LRRIQ1: variants seen among roughly 807,000 people sequenced by gnomAD.
The protein encoded by LRRIQ1 is leucine rich repeats and IQ motif containing 1.
LRRIQ1 carries 210 observed loss-of-function variants against 211.9 expected under a neutral mutation model. That is an observed-to-expected ratio of 0.99 (90% CI 0.89 to 1.11). The LOEUF (loss-of-function observed/expected upper bound fraction) is 1.11. LRRIQ1 is among the 50% of genes most tolerant of loss of function. LRRIQ1 has a pLI of 0.00. For synonymous variants in LRRIQ1, 699 were observed against 650.1 expected (o/e 1.08, Z -1.14); for missense variants, 2,136 against 1,939.5 (o/e 1.10, Z -1.90).
intron 19 of LRRIQ1, among the ~76,000 whole-genome samples, chr12:85,151,038 A>C (rs1890208502): frequency 6.6e-6 from 1 of 151,460 alleles, no homozygotes; most frequent in African/African-American, 2.4e-5. Context: ...TATAGTCACC[A>C]TGTTGTGCAA....
chr12:85,117,439 C>T (rs1001502865), intron 15 of LRRIQ1, among the ~76,000 whole-genome samples: 6 of 152,118 alleles, frequency 3.9e-5, no homozygotes, highest in African/African-American at 1.4e-4. Context: ...TCATATAACT[C>T]CAAAAAGATA....
intron 10 of LRRIQ1, among the ~76,000 whole-genome samples, chr12:85,069,290 A>G (rs988755335): frequency 3.2e-4 from 49 of 152,136 alleles, no homozygotes; most frequent in Non-Finnish European, 6.3e-4. Context: ...TTATGGCTGC[A>G]TAGTATTCCA....
intron 1 of LRRIQ1, among the ~76,000 whole-genome samples, chr12:85,251,766 G>A (rs1244946896): frequency 2.2e-5 from 3 of 135,560 alleles, no homozygotes; most frequent in Non-Finnish European, 3.0e-5. Context: ...TTGGACTCAC[G>A]AGAAGTGGCG....
chr12:85,269,069 T>G (rs1477676027), downstream of LRRIQ1, among the ~76,000 whole-genome samples: 1 of 151,944 alleles, frequency 6.6e-6, no homozygotes, highest in Non-Finnish European at 1.5e-5. Context: ...AATAAATACC[T>G]GGAGACAGAT....
At chr12:85,122,129 TCAAGA>T (rs1231101138) in intron 16 of LRRIQ1, among the ~76,000 whole-genome samples, 1 of 152,092 alleles carries the variant, frequency 6.6e-6, no homozygotes, top group East Asian at 1.9e-4. Context: ...GTGGATAGCA[TCAAGA>T]CAAGAGGCAA....
At chr12:85,073,578 A>T (rs1253680569) in intron 11 of LRRIQ1, among the ~76,000 whole-genome samples, 1 of 152,012 alleles carries the variant, frequency 6.6e-6, no homozygotes, top group Non-Finnish European at 1.5e-5. Context: ...TGCTGTACGA[A>T]TTTTTTTGGT....
At chr12:85,251,200 G>A (rs909707404) in intron 1 of LRRIQ1, among the ~76,000 whole-genome samples, 3 of 150,578 alleles carry the variant, frequency 2.0e-5, no homozygotes, top group African/African-American at 4.9e-5. Context: ...AGTCTAGAAA[G>A]TGTATTTGAG....
intron 6 of LRRIQ1, chr12:85,047,775 T>G (rs1879806067): frequency 4.3e-6 from 1 of 234,672 alleles, no homozygotes; most frequent in Non-Finnish European, 8.3e-6. Flanking sequence ...TATATGCTTC[T>G]AAACATTGGA....
At chr12:85,241,761 T>C (rs1895472499) in intron 26 of LRRIQ1, among the ~76,000 whole-genome samples, 1 of 152,020 alleles carries the variant, frequency 6.6e-6, no homozygotes, top group African/African-American at 2.4e-5. Flanking sequence ...TAGACATTTG[T>C]TTTTATGTGT....
chr12:85,154,206 T>G (rs1890414744), intron 23 of LRRIQ1, 112 bp downstream of exon 23: 1 of 511,920 alleles, frequency 2.0e-6, no homozygotes. Flanking sequence ...AATTCACAGA[T>G]GACTATGTCT....
chr12:85,197,923 TATA>T (rs1288388205), intron 24 of LRRIQ1, among the ~76,000 whole-genome samples: 1 of 117,010 alleles, frequency 8.5e-6, no homozygotes, highest in Non-Finnish European at 1.7e-5. Context: ...TAAAAATATA[TATA>T]ATATAATTAT....
chr12:85,108,869 A>G (rs977422933), intron 15 of LRRIQ1, among the ~76,000 whole-genome samples: 2 of 152,186 alleles, frequency 1.3e-5, no homozygotes, highest in African/African-American at 4.8e-5. Context: ...ACTAAAATAC[A>G]TATTAGGTAG....
At chr12:85,053,842 G>T (rs1880633925) in intron 7 of LRRIQ1, among the ~76,000 whole-genome samples, 1 of 152,118 alleles carries the variant, frequency 6.6e-6, no homozygotes, top group African/African-American at 2.4e-5. Flanking sequence ...CGAGTAGCTG[G>T]GACTACAGGC....
intron 24 of LRRIQ1, among the ~76,000 whole-genome samples, chr12:85,201,898 G>T (rs932374817): frequency 2.6e-5 from 4 of 151,596 alleles, no homozygotes; most frequent in Admixed American, 6.6e-5. Flanking sequence ...ATAATTTCAG[G>T]TTTTTCTTAC....
rs781419720 is a variant in LRRIQ1, at chr12:85,040,522, C to G, written c.165C>G (p.His55Gln). Reference sequence around the variant, plus strand: ...TTGAATTACCAGAATCAGTTCTTCACTGTATTAACATCATAAAGAACAGGA... The same window carrying G: ...TTGAATTACCAGAATCAGTTCTTCAGTGTATTAACATCATAAAGAACAGGA... ...DSVELPESVL[H>Q]CINIIKNRSK... The change falls in exon 3 of 27, where the codon CAC (histidine) becomes CAG (glutamine). Residue 55 changes from histidine to glutamine, a missense_variant. Coordinates refer to ENST00000393217, the MANE Select transcript of LRRIQ1 (RefSeq NM_001079910.2). The G allele has an allele frequency of 1.3e-6, 2 of 1,571,700 alleles. No individual in the cohort carries two copies. Among genetic ancestry groups the G allele is most frequent in the Non-Finnish European group, 8.6e-7 (1 of 1,157,666 alleles).
rs1338067939 is a variant in LRRIQ1, at chr12:85,055,553, A to G, written c.760A>G (p.Ile254Val). ...KEKFKQHEEY[I>V]RNLHLQMEEE... ...GTATCTTACTTTGTTTTAGGAGTAT[A>G]TTAGAAACTTGCATTTACAAATGGA... Residue 254 changes from isoleucine (I) to valine (V), a missense_variant, in exon 8 of 27, where the codon ATT (isoleucine) becomes GTT (valine). By Grantham distance (29) the Ile-to-Val change is conservative. Coordinates refer to ENST00000393217, the MANE Select transcript of LRRIQ1 (RefSeq NM_001079910.2). The G allele has an allele frequency of 4.6e-6, 7 of 1,523,284 alleles. No homozygotes were observed. Among genetic ancestry groups the G allele is most frequent in the Admixed American group, 2.4e-5 (1 of 42,498 alleles). 94.4% of individuals were successfully genotyped at this position (1,523,284 alleles called of 1,614,324 possible).
At chr12:85,103,270 A>G (rs1378713373) in intron 13 of LRRIQ1, among the ~76,000 whole-genome samples, 5 of 151,230 alleles carry the variant, frequency 3.3e-5, no homozygotes, top group Non-Finnish European at 7.4e-5. Context: ...AATTATTACT[A>G]TATTATAATA....
chr12:85,226,352 G>A (rs891452507), intron 24 of LRRIQ1, among the ~76,000 whole-genome samples: 1 of 152,078 alleles, frequency 6.6e-6, no homozygotes, highest in East Asian at 1.9e-4. Flanking sequence ...CAGGGTCACT[G>A]AGTCATCACT....
chr12:85,158,862 C>CT (rs5799722), intron 23 of LRRIQ1, among the ~76,000 whole-genome samples: 52,473 of 149,238 alleles, frequency 0.35, 12,393 homozygotes, highest in African/African-American at 0.68. Flanking sequence ...TATCCCTTGG[C>CT]TTTTTTTTTA....
Sources: gnomAD v4.1 joint callset for allele counts (sites outside exome capture counted in the v4.1 genomes callset) on GRCh38, gnomAD v4.1.1 for gene constraint, MANE v1.5 for transcripts, NCBI Gene and HGNC (gene_info 2026-07-23, HGNC 2026-07-21) for gene names.